The following CCSER1 variants were observed in gnomAD, a reference collection of about 807,000 sequenced individuals.
CCSER1 encodes serine-rich coiled-coil domain-containing protein 1.
CCSER1 carries 41 observed loss-of-function variants against 82.0 expected under a neutral mutation model. The ratio of observed to expected loss-of-function variants is 0.50; its 90% CI spans 0.39 to 0.65. The LOEUF is 0.65. CCSER1 is among the 30% of genes least tolerant of loss of function. The pLI, the probability that CCSER1 is intolerant of heterozygous loss-of-function variation, is 0.00. For synonymous variants in CCSER1, 414 were observed against 383.9 expected (o/e 1.08, Z -0.92); for missense variants, 1,119 against 1,064.2 (o/e 1.05, Z -0.72).
At chr4:90,752,972 T>A (rs1238265935) in intron 7 of CCSER1, among the ~76,000 whole-genome samples, 1 of 152,106 alleles carries the variant, frequency 6.6e-6, no homozygotes, top group Non-Finnish European at 1.5e-5. Flanking sequence ...TTTCATCATA[T>A]AAAAATGAAA....
At chr4:91,479,691 CTTTT>C (rs986169082) in intron 10 of CCSER1, among the ~76,000 whole-genome samples, 3 of 128,980 alleles carry the variant, frequency 2.3e-5, no homozygotes, top group Non-Finnish European at 5.0e-5. Flanking sequence ...TATTCTTATT[CTTTT>C]TTTTTTCTTT....
intron 1 of CCSER1, among the ~76,000 whole-genome samples, chr4:90,143,491 T>TACACACAC (rs56859054): frequency 0.09 from 12,743 of 141,272 alleles, 585 homozygotes; most frequent in African/African-American, 0.097. Context: ...AGTACACACA[T>TACACACAC]ACACACACAC....
chr4:90,731,611 A>T (rs1195704379), intron 7 of CCSER1, among the ~76,000 whole-genome samples: 1 of 152,200 alleles, frequency 6.6e-6, no homozygotes, highest in African/African-American at 2.4e-5. Flanking sequence ...ACCATACAAT[A>T]GGTATATATT....
chr4:91,604,041 A>T lies in CCSER1; in HGVS notation c.*4984A>T, dbSNP rs1764894951. On this transcript the variant is annotated 3_prime_UTR_variant, in exon 11 of 11. Coordinates refer to ENST00000509176, the MANE Select transcript of CCSER1 (RefSeq NM_001145065.2). ...GGGATATAAAAATTTAGTTTATAGC[A>T]CTCATTTTCAGGTCAAAGAGCCCAC... 1.3e-5 allele frequency: 2 copies of T among 152,116 alleles called. No individual in the cohort carries two copies. Among genetic ancestry groups the T allele is most frequent in the African/African-American group, 2.4e-5 (1 of 41,528 alleles). 9.4% of individuals were successfully genotyped at this position (152,116 alleles called of 1,614,324 possible). A position where few individuals can be genotyped will look rare whatever the true frequency, so the allele number is the denominator to read the frequency against.
intron 1 of CCSER1, among the ~76,000 whole-genome samples, chr4:90,304,260 A>G (rs1381543349): frequency 1.3e-5 from 2 of 152,224 alleles, no homozygotes; most frequent in East Asian, 3.8e-4. Flanking sequence ...GGGATCTAGA[A>G]CTACAAATAC....
intron 10 of CCSER1, among the ~76,000 whole-genome samples, chr4:91,361,413 T>A (rs1429198459): frequency 6.6e-5 from 10 of 151,918 alleles, no homozygotes; most frequent in African/African-American, 2.2e-4. Flanking sequence ...AACTTAAATT[T>A]TTTTTGGACA....
chr4:90,486,198 A>C (rs1767026073), intron 5 of CCSER1, among the ~76,000 whole-genome samples: 2 of 152,176 alleles, frequency 1.3e-5, no homozygotes, highest in South Asian at 2.1e-4. Context: ...GGAAAATTAT[A>C]ATCAATTCTT....
chr4:91,414,531 C>T (rs979456895), intron 10 of CCSER1, among the ~76,000 whole-genome samples: 1 of 151,986 alleles, frequency 6.6e-6, no homozygotes, highest in African/African-American at 2.4e-5. Flanking sequence ...AGCCAGAAAA[C>T]AATGAACAAA....
intron 10 of CCSER1, among the ~76,000 whole-genome samples, chr4:91,230,640 CACAAA>C (rs1738553669): frequency 6.6e-6 from 1 of 151,502 alleles, no homozygotes; most frequent in Admixed American, 6.6e-5. Flanking sequence ...AAAAAAAACA[CACAAA>C]ACAAAGGAAA....
intron 9 of CCSER1, among the ~76,000 whole-genome samples, chr4:91,049,954 C>T (rs1277182155): frequency 3.3e-5 from 5 of 152,182 alleles, no homozygotes; most frequent in Admixed American, 2.6e-4. Flanking sequence ...TTCCTTGACC[C>T]TAATCAGAAT....
chr4:91,525,508 T>C (rs1321253350), intron 10 of CCSER1, among the ~76,000 whole-genome samples: 3 of 152,170 alleles, frequency 2.0e-5, no homozygotes, highest in African/African-American at 7.2e-5. Flanking sequence ...TCCACTGTGA[T>C]TATAAACTAT....
At chr4:91,044,114 G>A (rs928999626) in intron 9 of CCSER1, among the ~76,000 whole-genome samples, 3 of 152,152 alleles carry the variant, frequency 2.0e-5, no homozygotes, top group African/African-American at 7.2e-5. Flanking sequence ...AGTGTGTGGG[G>A]TCTGGGCAAA....
At chr4:90,475,739 G>A (rs1764987043) in intron 5 of CCSER1, among the ~76,000 whole-genome samples, 1 of 152,114 alleles carries the variant, frequency 6.6e-6, no homozygotes, top group African/African-American at 2.4e-5. Context: ...CCCATAAAGA[G>A]GGGCAAAGGA....
Position 90,838,916 on chromosome 4 carries a change from G to A in CCSER1, c.2094+23071G>A, listed in dbSNP as rs778292840. ...GCGCACGCCTCATTACGATTCGCCT[G>A]CTTGCTTCTCCTGTTCAATCGTTTC... On this transcript the variant is annotated intron_variant, in intron 8 of 10. Coordinates refer to ENST00000509176, the MANE Select transcript of CCSER1 (RefSeq NM_001145065.2). 10 of 1,613,280 alleles carry A rather than the reference G, an allele frequency of 6.2e-6. No homozygotes were observed. In the African/African-American group the frequency reaches 1.2e-4, roughly 19 times the overall value.
chr4:90,594,939 G>A (rs1014696554), intron 5 of CCSER1, among the ~76,000 whole-genome samples: 1 of 151,836 alleles, frequency 6.6e-6, no homozygotes, highest in South Asian at 2.1e-4. Flanking sequence ...TGAATTCAGT[G>A]TTATTTATAA....
At chr4:90,185,336 T>C (rs192373566) in intron 1 of CCSER1, among the ~76,000 whole-genome samples, 128 of 152,194 alleles carry the variant, frequency 8.4e-4, no homozygotes, top group African/African-American at 2.8e-3. Context: ...TCATCACTCA[T>C]GGGAGGTAAA....
chr4:91,174,261 C>G (rs952094865), intron 10 of CCSER1, among the ~76,000 whole-genome samples: 6 of 151,992 alleles, frequency 3.9e-5, no homozygotes, highest in Non-Finnish European at 8.8e-5. Context: ...AGTTTGAAGG[C>G]TATGCTCCTC....
At chr4:91,351,746 C>T (rs1299745330) in intron 10 of CCSER1, among the ~76,000 whole-genome samples, 1 of 151,838 alleles carries the variant, frequency 6.6e-6, no homozygotes, top group Non-Finnish European at 1.5e-5. Flanking sequence ...TTAATTTTTA[C>T]ATTAATGTAA....
intron 5 of CCSER1, among the ~76,000 whole-genome samples, chr4:90,476,179 T>G (rs989933043): frequency 6.6e-6 from 1 of 152,142 alleles, no homozygotes; most frequent in Non-Finnish European, 1.5e-5. Flanking sequence ...ATTCTTGCCT[T>G]AGGCCCTGCA....
Sources: allele counts gnomAD v4.1 joint callset (sites outside exome capture counted in the v4.1 genomes callset), GRCh38; gene constraint gnomAD v4.1.1; transcripts MANE v1.5; gene names NCBI Gene and HGNC (gene_info 2026-07-23, HGNC 2026-07-21).